Variants in TBCB observed in about 807,000 individuals in gnomAD.
TBCB encodes tubulin folding cofactor B, also known as tubulin-folding cofactor B.
Under a neutral mutation model 29.2 loss-of-function variants are expected in TBCB, and 18 were observed. The observed-to-expected ratio is 0.62, with a 90% CI of 0.43 to 0.91. The LOEUF is 0.91. Ranked by LOEUF, TBCB falls within the 40% of genes least tolerant of loss-of-function variation. The pLI, the probability that TBCB is intolerant of heterozygous loss-of-function variation, is 0.00. For synonymous variants in TBCB, 172 were observed against 137.8 expected (o/e 1.25, Z -1.74); for missense variants, 336 against 337.6 (o/e 1.00, Z 0.04).
At position 36,121,488 on chromosome 19, in the gene TBCB, G is replaced by A. The variant is rs769734404; in HGVS notation, c.356-39G>A. The A allele has an allele frequency of 3.9e-6, 6 of 1,529,290 alleles. No individual in the cohort carries two copies. The African/African-American group carries it at 6.9e-5, about 18-fold the overall frequency. 94.7% of individuals were successfully genotyped at this position (1,529,290 alleles called of 1,614,324 possible). ...GTGGAGCGTCATCCTGTTAGGCCCG[G>A]CCGACACCCCAACTGACCCCAGCCC... On this transcript the variant is annotated intron_variant, in intron 3 of 5. Coordinates refer to ENST00000221855, the MANE Select transcript of TBCB (RefSeq NM_001281.3).
At chr19:36,119,131 A>G (rs1022014811) in intron 2 of TBCB, among the ~76,000 whole-genome samples, 3 of 152,208 alleles carry the variant, frequency 2.0e-5, no homozygotes, top group African/African-American at 7.2e-5. Context: ...AGGCCACTCA[A>G]GGAAGGTGTT....
chr19:36,121,189 C>T (rs1187399664), intron 3 of TBCB, among the ~76,000 whole-genome samples: 1 of 47,270 alleles, frequency 2.1e-5, no homozygotes, highest in African/African-American at 1.1e-4. Flanking sequence ...GCGCCTGGGA[C>T]GGATCGAGTG....
chr19:36,115,656 C>T lies in TBCB; in HGVS notation c.96C>T (p.Leu32=), dbSNP rs144534068. The T allele has an allele frequency of 2.8e-5, 45 of 1,603,638 alleles. No homozygotes were observed. In the African/African-American group the frequency reaches 6.1e-4, roughly 22 times the overall value. ...FRSEKRYSRS[L]TIAEFKCKLE... ...CCGAGAAGCGATACAGCCGCAGCCTCACCATCGCTGAGTTCAAGGTGTGGC... is the reference window on the plus strand; with the variant it reads ...CCGAGAAGCGATACAGCCGCAGCCTTACCATCGCTGAGTTCAAGGTGTGGC... The change falls in exon 1 of 6, where the codon CTC becomes CTT. Residue 32 remains leucine, a synonymous_variant. Transcript: ENST00000221855.
intron 4 of TBCB, among the ~76,000 whole-genome samples, chr19:36,122,776 T>TA (rs1450431001): frequency 1.4e-5 from 2 of 145,532 alleles, no homozygotes; most frequent in Non-Finnish European, 3.0e-5. Context: ...AAAAAAAAGA[T>TA]ACACGGGGTA....
chr19:36,125,110 A>G (rs1407726774), intron 4 of TBCB, among the ~76,000 whole-genome samples: 2 of 152,186 alleles, frequency 1.3e-5, no homozygotes, highest in African/African-American at 4.8e-5. Context: ...GAAGTTCAAG[A>G]TCAAGCTGTC....
In TBCB at chr19:36,116,198, A is replaced by C. The variant is rs769955794; in HGVS notation, c.258+14A>C. On this transcript the variant is annotated intron_variant, in intron 2 of 5. Transcript: ENST00000221855. ...TGCCGCATCCACGTGAGGACTCTCT[A>C]TCTGGGACACTCCCCCACCCCACCT... is the stretch of plus-strand genomic sequence containing the variant. The C allele has an allele frequency of 3.9e-5, 63 of 1,611,804 alleles. No homozygotes were observed. The highest frequency in any genetic ancestry group is 1.5e-4 in the Admixed American group (9 of 59,878).
chr19:36,124,346 G>T (rs1308397955), intron 4 of TBCB, among the ~76,000 whole-genome samples: 1 of 151,778 alleles, frequency 6.6e-6, no homozygotes, highest in Non-Finnish European at 1.5e-5. Flanking sequence ...TCAGCCTCCC[G>T]AGTAGCTGGG....
rs1973935364 is a variant in TBCB at position 36,115,622 on chromosome 19, C to T, written c.62C>T (p.Thr21Ile). The change falls in exon 1 of 6, where the codon ACC becomes ATC. Residue 21 changes from threonine to isoleucine, a missense_variant. Transcript: ENST00000221855. ...GTTTTCATCAGCAGCTCCCTCAACA[C>T]CTTCCGCTCCGAGAAGCGATACAGC... is the stretch of plus-strand genomic sequence containing the variant. ...VTVFISSSLN[T>I]FRSEKRYSRS... 1 of 1,609,240 alleles carries T rather than the reference C, an allele frequency of 6.2e-7. No homozygotes were observed. Among genetic ancestry groups the T allele is most frequent in the South Asian group, 1.1e-5 (1 of 90,160 alleles).
At chr19:36,115,232 G>A, upstream of TBCB, 2 of 537,060 alleles carry the variant, frequency 3.7e-6, no homozygotes, top group Non-Finnish European at 6.6e-6. Context: ...ACCCTTCGCG[G>A]ACTGGGCGAG....
At position 36,125,649 on chromosome 19, in the gene TBCB, C is replaced by T; in HGVS notation, c.621-19C>T. On this transcript the variant is annotated intron_variant, in intron 5 of 5. Coordinates refer to ENST00000221855, the MANE Select transcript of TBCB (RefSeq NM_001281.3). ...TGTGAGGGTCCTCTGACCACACCCA[C>T]CCCTATCCTTTCCTGCAGTGTGAAT... is the stretch of plus-strand genomic sequence containing the variant. 2 of 1,594,472 alleles carry T rather than the reference C, an allele frequency of 1.3e-6. No individual in the cohort carries two copies. Among genetic ancestry groups the T allele is most frequent in the Non-Finnish European group, 1.7e-6 (2 of 1,167,940 alleles).
chr19:36,125,682 G>T lies in TBCB; in HGVS notation c.635G>T (p.Arg212Leu), dbSNP rs374667464. ...CTTTCCTGCAGTGTGAATGGGAAAC[G>T]CTACTTCGAATGCCAGGCCAAGTAT... ...GKNDGSVNGK[R>L]YFECQAKYGA... The change falls in exon 6 of 6, where the codon CGC becomes CTC. Residue 212 changes from arginine to leucine, a missense_variant. Transcript: ENST00000221855. 5.1e-6 allele frequency: 8 copies of T among 1,579,938 alleles called. No homozygotes were observed. The South Asian group carries it at 8.2e-5, about 16-fold the overall frequency.
chr19:36,119,523 G>T lies in TBCB; in HGVS notation c.259-1187G>T, dbSNP rs180762158. Reference sequence around the variant, plus strand: ...CCCCATCTCAGCCAGAGGGAGCCTGGGACCACCTGAGTCAGGCCAGGGCCC... The same window carrying T: ...CCCCATCTCAGCCAGAGGGAGCCTGTGACCACCTGAGTCAGGCCAGGGCCC... On this transcript the variant is annotated intron_variant, in intron 2 of 5. Coordinates refer to ENST00000221855, the MANE Select transcript of TBCB (RefSeq NM_001281.3). Among the ~76,000 whole-genome samples, 114 of 152,234 alleles carry T rather than the reference G, an allele frequency of 7.5e-4. 1 individual carries two copies. The East Asian group carries it at 0.021, about 29-fold the overall frequency.
At position 36,116,000 on chromosome 19, in the gene TBCB, C is replaced by T. The variant is rs754080444; in HGVS notation, c.115-41C>T. 3.1e-6 allele frequency: 5 copies of T among 1,598,874 alleles called. No homozygotes were observed. In the South Asian group the frequency reaches 4.4e-5, roughly 14 times the overall value. ...TGGTCATTGATGCAAGGGGCGGGGC[C>T]TCCGTGGCCTCCTTCTTCTCACCCT... On this transcript the variant is annotated intron_variant, in intron 1 of 5. Transcript: ENST00000221855.
rs968135110 is a variant in TBCB, at chr19:36,120,574, A to G, written c.259-136A>G. 4.4e-6 allele frequency: 3 copies of G among 679,806 alleles called. No homozygotes were observed. In the African/African-American group the frequency reaches 5.4e-5, roughly 12 times the overall value. The allele number at this position is 679,806 out of a possible 1,614,324, so 42.1% of individuals were successfully genotyped here. On this transcript the variant is annotated intron_variant, in intron 2 of 5. Transcript: ENST00000221855. ...ACTTCTCCCTTCCGCTGGGCTCAGG[A>G]GAGAAGAGAAGGCTGCAGTACAGGC... is the stretch of plus-strand genomic sequence containing the variant.
upstream of TBCB, chr19:36,115,459 G>A: frequency 2.3e-6 from 2 of 872,662 alleles, no homozygotes; most frequent in Non-Finnish European, 3.6e-6. Flanking sequence ...GCACGGAGCA[G>A]GAGGCGGGGC....
intron 4 of TBCB, among the ~76,000 whole-genome samples, chr19:36,124,357 A>T (rs1260280550): frequency 6.6e-6 from 1 of 151,468 alleles, no homozygotes; most frequent in Non-Finnish European, 1.5e-5. Flanking sequence ...AGTAGCTGGG[A>T]TTATAGGTGA....
At chr19:36,122,654 C>G (rs1357867021) in intron 4 of TBCB, among the ~76,000 whole-genome samples, 1 of 147,476 alleles carries the variant, frequency 6.8e-6, no homozygotes, top group African/African-American at 2.5e-5. Context: ...ACTTGGGAGG[C>G]TGAGGTGGGA....
rs764199200 is a variant in TBCB, at chr19:36,125,842, G to T, written c.*60G>T. The T allele has an allele frequency of 2.2e-4, 283 of 1,277,700 alleles. No individual in the cohort carries two copies. The highest frequency in any genetic ancestry group is 2.9e-4 in the Non-Finnish European group (275 of 946,238). 79.1% of individuals were successfully genotyped at this position (1,277,700 alleles called of 1,614,324 possible). ...CAGCCACTGACTGCCCCTCCTGTGT[G>T]TGCCCATGGCCCTTTTCTCCTGACC... On this transcript the variant is annotated 3_prime_UTR_variant, in exon 6 of 6. Coordinates refer to ENST00000221855, the MANE Select transcript of TBCB (RefSeq NM_001281.3).
Position 36,123,464 on chromosome 19 carries a change from A to G in TBCB, c.547+1746A>G, listed in dbSNP as rs369595160. ...TTTTTTTGTAGGATGGGATTTCGCC[A>G]TGTGGCCCAGGCTGGTCTCAAACTC... is the stretch of plus-strand genomic sequence containing the variant. On this transcript the variant is annotated intron_variant, in intron 4 of 5. Transcript: ENST00000221855. Among the ~76,000 whole-genome samples the G allele has an allele frequency of 9.2e-5, 14 of 152,036 alleles. No individual in the cohort carries two copies. The East Asian group carries it at 1.6e-3, about 17-fold the overall frequency.
Sources: allele counts gnomAD v4.1 joint callset (sites outside exome capture counted in the v4.1 genomes callset), GRCh38; gene constraint gnomAD v4.1.1; transcripts MANE v1.5; gene names NCBI Gene and HGNC (gene_info 2026-07-23, HGNC 2026-07-21).